The following EIF4ENIF1 variants were observed in gnomAD, a reference collection of about 807,000 sequenced individuals.
The protein encoded by EIF4ENIF1 is eukaryotic translation initiation factor 4E nuclear import factor 1.
EIF4ENIF1 carries 23 observed loss-of-function variants against 110.5 expected under a neutral mutation model. That is an observed-to-expected ratio of 0.21 (90% CI 0.15 to 0.29). The LOEUF is 0.29. EIF4ENIF1 is among the 10% of genes least tolerant of loss of function. The probability of loss-of-function intolerance (pLI) is 1.00; values close to 1 mark genes in which losing one functional copy is unlikely to be tolerated. For synonymous variants in EIF4ENIF1, 440 were observed against 437.0 expected (o/e 1.01, Z -0.09); for missense variants, 1,031 against 1,221.1 (o/e 0.84, Z 2.32).
At chr22:31,479,553 T>C (rs1055413271) in intron 2 of EIF4ENIF1, 10 of 152,104 alleles carry the variant, frequency 6.6e-5, no homozygotes, top group Admixed American at 6.6e-4. Flanking sequence ...GAAATACCCC[T>C]TTGGGATATT....
intron 14 of EIF4ENIF1, 135 bp downstream of exon 14, chr22:31,447,291 G>T: frequency 2.0e-6 from 2 of 1,021,792 alleles, no homozygotes; most frequent in Non-Finnish European, 2.8e-6. Flanking sequence ...CTATTGATTT[G>T]GATTGGGATG....
chr22:31,467,114 C>T (rs1418850031), intron 4 of EIF4ENIF1, among the ~76,000 whole-genome samples: 3 of 152,150 alleles, frequency 2.0e-5, no homozygotes, highest in Non-Finnish European at 2.9e-5. Flanking sequence ...ATGGATACAC[C>T]GAAGTTTACG....
At position 31,440,845 on chromosome 22, in the gene EIF4ENIF1, A is replaced by G. The variant is rs758553121; in HGVS notation, c.2575T>C (p.Leu859=). 3 of 1,613,906 alleles carry G rather than the reference A, an allele frequency of 1.9e-6. No individual in the cohort carries two copies. In the Admixed American group the frequency reaches 5.0e-5, roughly 27 times the overall value. Residue 859 remains leucine (L), a synonymous_variant, in exon 18 of 19, where the codon TTG becomes CTG. Coordinates refer to ENST00000330125, the MANE Select transcript of EIF4ENIF1 (RefSeq NM_019843.4). ...QTGVLPPGMD[L]SHLQGISGPI... ...CCAGATATTCCCTGTAAATGACTCA[A>G]GTCCATCCCAGGAGGAAGCACACCT...
chr22:31,455,362 G>C lies in EIF4ENIF1; in HGVS notation c.1100-47C>G, dbSNP rs116071327. 1,144 of 1,277,902 alleles carry C rather than the reference G, an allele frequency of 9.0e-4. 9 individuals are homozygous for C. In the African/African-American group the frequency reaches 0.017, roughly 19 times the overall value. 79.2% of individuals were successfully genotyped at this position (1,277,902 alleles called of 1,614,324 possible). ...CTCAAAATTAATCTGTTCCAGTAAA[G>C]AAACATGCCTTCGACAGTATTTTTC... On this transcript the variant is annotated intron_variant, in intron 8 of 18. Transcript: ENST00000330125.
intron 5 of EIF4ENIF1, among the ~76,000 whole-genome samples, chr22:31,463,408 G>A (rs527940489): frequency 2.6e-5 from 4 of 152,204 alleles, no homozygotes; most frequent in Admixed American, 6.5e-5. Flanking sequence ...GTCGGGTGTG[G>A]TGGCTCACGC....
chr22:31,493,412 G>C (rs1459675199), upstream of EIF4ENIF1, among the ~76,000 whole-genome samples: 4 of 151,618 alleles, frequency 2.6e-5, no homozygotes, highest in African/African-American at 9.7e-5. Context: ...CTCAACCTCT[G>C]CCTCCTGAGT....
chr22:31,470,125 T>C (rs1164133309), intron 3 of EIF4ENIF1, among the ~76,000 whole-genome samples: 5 of 143,316 alleles, frequency 3.5e-5, no homozygotes, highest in South Asian at 2.2e-4. Context: ...GATTGCGCCA[T>C]TGCACTCCAG....
rs557713755 is a variant in EIF4ENIF1, at chr22:31,449,033, C to CA, written c.1768+314dup. Among the ~76,000 whole-genome samples the CA allele has an allele frequency of 1.2e-3, 178 of 152,232 alleles. 1 individual carries two copies. Among genetic ancestry groups the CA allele is most frequent in the African/African-American group, 4.1e-3 (172 of 41,554 alleles). ...AGTATATTTATTTATTTTTTTGAGA[C>CA]AGAGTCTCGCTCTGTCGCCCAGGCT... On this transcript the variant is annotated intron_variant, in intron 12 of 18. Coordinates refer to ENST00000330125, the MANE Select transcript of EIF4ENIF1 (RefSeq NM_019843.4).
At chr22:31,491,270 T>C (rs2052270889), upstream of EIF4ENIF1, among the ~76,000 whole-genome samples, 1 of 152,214 alleles carries the variant, frequency 6.6e-6, no homozygotes, top group Non-Finnish European at 1.5e-5. Context: ...AGAGACACGT[T>C]GCAGGTGATA....
chr22:31,440,166 G>T, intron 18 of EIF4ENIF1, 45 bp from the exon 19 acceptor site: 2 of 1,613,668 alleles, frequency 1.2e-6, no homozygotes, highest in Non-Finnish European at 1.7e-6. Flanking sequence ...GAGAAGGAAA[G>T]TTTATTAGAC....
At chr22:31,477,366 A>C (rs576397676) in intron 2 of EIF4ENIF1, among the ~76,000 whole-genome samples, 2,232 of 135,952 alleles carry the variant, frequency 0.016, 104 homozygotes, top group African/African-American at 0.057. Context: ...CCAAAAAAAA[A>C]AAAAAAAACA....
At chr22:31,441,641 G>T in intron 17 of EIF4ENIF1, 133 bp downstream of exon 17, 3 of 756,808 alleles carry the variant, frequency 4.0e-6, no homozygotes, top group South Asian at 3.9e-5. Context: ...CCCACTGCCT[G>T]CCAGTTAGAT....
rs188133908 is a variant in EIF4ENIF1, at chr22:31,464,186, G to A, written c.299-219C>T. ...CTTTGCAGCAATAGAAGTACGTCAC[G>A]ATAAATAATTTTCCATGATTAGTCT... is the stretch of plus-strand genomic sequence containing the variant. On this transcript the variant is annotated intron_variant, in intron 4 of 18. Coordinates refer to ENST00000330125, the MANE Select transcript of EIF4ENIF1 (RefSeq NM_019843.4). 1.5e-3 allele frequency: 764 copies of A among 509,484 alleles called. 5 individuals carry two copies. The highest frequency in any genetic ancestry group is 3.1e-3 in the Middle Eastern group (6 of 1,954). The allele number at this position is 509,484 out of a possible 1,614,324, so 31.6% of individuals were successfully genotyped here.
chr22:31,458,716 C>T, intron 6 of EIF4ENIF1, 66 bp from the exon 7 acceptor site: 2 of 1,429,516 alleles, frequency 1.4e-6, no homozygotes, highest in Non-Finnish European at 1.9e-6. Flanking sequence ...TCTGTGGCTT[C>T]AGCCATCAGT....
At chr22:31,448,279 A>G in intron 12 of EIF4ENIF1, 47 bp from the exon 13 acceptor site, 3 of 1,582,480 alleles carry the variant, frequency 1.9e-6, no homozygotes, top group African/African-American at 2.7e-5. Context: ...GTATGTGTGC[A>G]TCAGGGAGGC....
At chr22:31,448,099 A>G in intron 13 of EIF4ENIF1, 54 bp downstream of exon 13, 1 of 1,589,438 alleles carries the variant, frequency 6.3e-7, no homozygotes, top group Non-Finnish European at 8.6e-7. Context: ...CTCCCCATGC[A>G]CCAAGAGGGT....
chr22:31,476,934 G>A (rs2051595269), intron 2 of EIF4ENIF1, among the ~76,000 whole-genome samples: 1 of 149,796 alleles, frequency 6.7e-6, no homozygotes, highest in Non-Finnish European at 1.5e-5. Flanking sequence ...GGAGGCAGAG[G>A]TTGCAGTGAG....
chr22:31,464,720 AT>A (rs1569088908), intron 4 of EIF4ENIF1, among the ~76,000 whole-genome samples: 1 of 109,210 alleles, frequency 9.2e-6, no homozygotes, highest in African/African-American at 3.4e-5. Context: ...ATATATATAT[AT>A]ATATAAACAG....
chr22:31,456,411 G>C (rs984208574), intron 7 of EIF4ENIF1, among the ~76,000 whole-genome samples: 1 of 151,708 alleles, frequency 6.6e-6, no homozygotes, highest in African/African-American at 2.4e-5. Flanking sequence ...TTTTAGTAGA[G>C]ACGGGGTTTT....
Sources: gnomAD v4.1 joint callset for allele counts (sites outside exome capture counted in the v4.1 genomes callset) on GRCh38, gnomAD v4.1.1 for gene constraint, MANE v1.5 for transcripts, NCBI Gene and HGNC (gene_info 2026-07-23, HGNC 2026-07-21) for gene names.